The following GAN variants were observed in gnomAD, a reference collection of about 807,000 sequenced individuals.
GAN encodes the protein gigaxonin, also known as epididymis secretory sperm binding protein.
A neutral mutation model predicts 71.3 loss-of-function variants in GAN; 48 were observed. That is an observed-to-expected ratio of 0.67 (90% CI 0.53 to 0.86). The LOEUF is 0.86. Among genes scored for constraint, GAN ranks in the 40% least tolerant of loss-of-function variants. The probability of loss-of-function intolerance (pLI) is 0.00; values close to 1 mark genes in which losing one functional copy is unlikely to be tolerated. For missense variants in GAN, 928 were observed against 770.1 expected (o/e 1.21, Z -2.43); for synonymous variants, 386 against 276.8 (o/e 1.39, Z -3.92).
intron 9 of GAN, among the ~76,000 whole-genome samples, chr16:81,376,465 ATGTGTGTGTGTGTGTGTGTGTGTGTGTG>A (rs56782049): frequency 7.9e-6 from 1 of 127,162 alleles, no homozygotes; most frequent in Non-Finnish European, 1.6e-5. Context: ...ATACATACAT[ATGTGTGTGTGTGTGTGTGTGTGTGTGTG>A]TGTGTGTGTG....
intron 1 of GAN, among the ~76,000 whole-genome samples, chr16:81,329,024 A>T (rs1031641448): frequency 6.6e-6 from 1 of 152,182 alleles, no homozygotes; most frequent in African/African-American, 2.4e-5. Flanking sequence ...AAAATCTTTT[A>T]ACTCTGAAGG....
chr16:81,377,527 T>G lies in GAN; in HGVS notation c.1725T>G (p.Ile575Met). Residue 575 changes from isoleucine to methionine, a missense_variant, in exon 11 of 11, where the codon ATT becomes ATG. Coordinates refer to ENST00000648994, the MANE Select transcript of GAN (RefSeq NM_022041.4). ...GTACAGGATGTGCAGCCTTACGCAT[T>G]GCGAATTGCAAGCTTTTCCGCCTGC... is the stretch of plus-strand genomic sequence containing the variant. ...LRRTGCAALRIANCKLFRLQL... is the reference protein window; with the variant it reads ...LRRTGCAALRMANCKLFRLQL... 1.2e-6 allele frequency: 2 copies of G among 1,614,202 alleles called. No individual in the cohort carries two copies. Among genetic ancestry groups the G allele is most frequent in the Non-Finnish European group, 1.7e-6 (2 of 1,180,022 alleles).
Position 81,365,070 on chromosome 16 carries a change from A to G in GAN, c.1333A>G (p.Thr445Ala), listed in dbSNP as rs766632425. 4 of 1,613,892 alleles carry G rather than the reference A, an allele frequency of 2.5e-6. No homozygotes were observed. Among genetic ancestry groups the G allele is most frequent in the Non-Finnish European group, 3.4e-6 (4 of 1,179,832 alleles). ...GTCTGTAGAGTGTTATGATCCCAGG[A>G]CCCAGCAGTGGACTGCCATATGTCC... The part of the protein sequence containing the change: ...FESVECYDPR[T>A]QQWTAICPLK... Residue 445 changes from threonine to alanine, a missense_variant, in exon 8 of 11, where the codon ACC (threonine) becomes GCC (alanine). Thr to Ala is a moderately conservative substitution (Grantham distance 58). Coordinates refer to ENST00000648994, the MANE Select transcript of GAN (RefSeq NM_022041.4).
At chr16:81,356,270 T>C (rs1910482802) in intron 3 of GAN, among the ~76,000 whole-genome samples, 2 of 152,224 alleles carry the variant, frequency 1.3e-5, no homozygotes, top group Non-Finnish European at 2.9e-5. Flanking sequence ...TCTTAGATAT[T>C]TTTGAACAGT....
chr16:81,355,375 G>T (rs374916379), intron 3 of GAN, among the ~76,000 whole-genome samples: 80 of 152,280 alleles, frequency 5.3e-4, no homozygotes, highest in African/African-American at 1.9e-3. Context: ...TTTTGAGGGG[G>T]CAGAGAGTCT....
chr16:81,353,880 G>T (rs182221097), intron 2 of GAN, among the ~76,000 whole-genome samples: 16 of 152,226 alleles, frequency 1.1e-4, no homozygotes, highest in African/African-American at 3.9e-4. Flanking sequence ...ATTGCACTGC[G>T]TACAGTGTTT....
At chr16:81,334,395 A>G (rs1909686029) in intron 1 of GAN, among the ~76,000 whole-genome samples, 2 of 152,158 alleles carry the variant, frequency 1.3e-5, no homozygotes, top group Admixed American at 1.3e-4. Flanking sequence ...AGACACCTGG[A>G]AAGTAAACCC....
intron 1 of GAN, among the ~76,000 whole-genome samples, chr16:81,321,668 C>A (rs1909227528): frequency 6.6e-6 from 1 of 152,134 alleles, no homozygotes; most frequent in Non-Finnish European, 1.5e-5. Context: ...AATAAGGGTT[C>A]ATTTGGTCTG....
intron 3 of GAN, among the ~76,000 whole-genome samples, chr16:81,355,989 T>C (rs1399004823): frequency 1.3e-5 from 2 of 152,198 alleles, no homozygotes; most frequent in Non-Finnish European, 2.9e-5. Flanking sequence ...AAAAATTTCC[T>C]ATGTGCTCCC....
intron 1 of GAN, among the ~76,000 whole-genome samples, chr16:81,336,279 A>G (rs1909758817): frequency 6.6e-6 from 1 of 152,116 alleles, no homozygotes; most frequent in African/African-American, 2.4e-5. Flanking sequence ...CTCTTCTTCC[A>G]TGTAGATGGA....
At position 81,370,226 on chromosome 16, in the gene GAN, C is replaced by G. The variant is rs935423293; in HGVS notation, c.1502+4748C>G. On this transcript the variant is annotated intron_variant, in intron 9 of 10. Transcript: ENST00000648994. Reference sequence around the variant, plus strand: ...TCCACAAAACATCTCACTGGTCTACCCCACTGACCACATTGTGCTGTTTGT... The same window carrying G: ...TCCACAAAACATCTCACTGGTCTACGCCACTGACCACATTGTGCTGTTTGT... Among the ~76,000 whole-genome samples, 7 of 152,112 alleles carry G rather than the reference C, an allele frequency of 4.6e-5. No individual in the cohort carries two copies. In the South Asian group the frequency reaches 6.2e-4, roughly 14 times the overall value.
At chr16:81,372,992 C>G (rs143767251) in intron 9 of GAN, among the ~76,000 whole-genome samples, 9 of 152,294 alleles carry the variant, frequency 5.9e-5, no homozygotes, top group East Asian at 1.9e-4. Flanking sequence ...TTAGTTGAAT[C>G]AAATGTAGAT....
rs4369657 is a variant in GAN, at chr16:81,339,685, A to T, written c.168-11898A>T. 9.7e-3 allele frequency among the ~76,000 whole-genome samples: 1,481 copies of T among 152,170 alleles called. 25 individuals are homozygous for T. Among genetic ancestry groups the T allele is most frequent in the African/African-American group, 0.035 (1,432 of 41,504 alleles). On this transcript the variant is annotated intron_variant, in intron 1 of 10. Transcript: ENST00000648994. Reference sequence around the variant, plus strand: ...CTGGGGAAATTCATAACAGGAATCTATTTTTACCTACAAAGAGGTAAGGGC... The same window carrying T: ...CTGGGGAAATTCATAACAGGAATCTTTTTTTACCTACAAAGAGGTAAGGGC...
chr16:81,314,998 G>A lies in GAN; in HGVS notation c.-116G>A, dbSNP rs1310720807. The A allele has an allele frequency of 1.3e-5, 12 of 910,770 alleles. No homozygotes were observed. The highest frequency in any genetic ancestry group is 3.4e-5 in the East Asian group (1 of 29,726). The allele number at this position is 910,770 out of a possible 1,614,324, so 56.4% of individuals were successfully genotyped here. On this transcript the variant is annotated 5_prime_UTR_variant, in exon 1 of 11. Coordinates refer to ENST00000648994, the MANE Select transcript of GAN (RefSeq NM_022041.4). ...GCACGTCCCGGGGGCTCCAGCTTCT[G>A]CTCAGAGCGCGGAGAGCCGGGCCGG...
chr16:81,376,539 A>ATG (rs1388220364), intron 9 of GAN, among the ~76,000 whole-genome samples: 6 of 149,536 alleles, frequency 4.0e-5, no homozygotes, highest in African/African-American at 7.5e-5. Context: ...ATATGTGTAT[A>ATG]TGTATATACA....
At chr16:81,359,828 G>C (rs1188890124) in intron 5 of GAN, among the ~76,000 whole-genome samples, 1 of 151,820 alleles carries the variant, frequency 6.6e-6, no homozygotes. Context: ...GACAATAACT[G>C]ATAATAAAAC....
At chr16:81,377,075 G>T in intron 9 of GAN, 144 bp from the exon 10 acceptor site, 1 of 756,644 alleles carries the variant, frequency 1.3e-6, no homozygotes, top group Admixed American at 1.8e-5. Context: ...CATGTCGGTG[G>T]TTACCTGGCA....
chr16:81,365,407 A>G lies in GAN; in HGVS notation c.1431A>G (p.Arg477=). 6.2e-7 allele frequency: 1 copy of G among 1,613,600 alleles called. No individual in the cohort carries two copies. The highest frequency in any genetic ancestry group is 8.5e-7 in the Non-Finnish European group (1 of 1,179,870). ...AMELYVFGGV[R]SREDAQGSEM... Reference sequence around the variant, plus strand: ...AGCTGTATGTGTTTGGGGGAGTCCGAAGTCGTGAGGACGCCCAGGGTAGCG... The same window carrying G: ...AGCTGTATGTGTTTGGGGGAGTCCGGAGTCGTGAGGACGCCCAGGGTAGCG... The change falls in exon 9 of 11, where the codon CGA becomes CGG. Residue 477 remains arginine, a synonymous_variant. Coordinates refer to ENST00000648994, the MANE Select transcript of GAN (RefSeq NM_022041.4).
At chr16:81,358,781 A>G (rs2150688114) in intron 5 of GAN, among the ~76,000 whole-genome samples, 1 of 152,250 alleles carries the variant, frequency 6.6e-6, no homozygotes, top group African/African-American at 2.4e-5. Context: ...AAAGATAGCC[A>G]TTGAGGCATT....
Sources: gnomAD v4.1 joint callset for allele counts (sites outside exome capture counted in the v4.1 genomes callset) on GRCh38, gnomAD v4.1.1 for gene constraint, MANE v1.5 for transcripts, NCBI Gene and HGNC (gene_info 2026-07-23, HGNC 2026-07-21) for gene names.